USP25: variants seen among roughly 807,000 people sequenced by gnomAD.
USP25 encodes the protein ubiquitin carboxyl-terminal hydrolase 25.
USP25 carries 85 observed loss-of-function variants against 158.5 expected under a neutral mutation model. The observed-to-expected ratio is 0.54, with a 90% confidence interval of 0.45 to 0.64. USP25 has a LOEUF of 0.64. Ranked by LOEUF, USP25 falls within the 30% of genes least tolerant of loss-of-function variation. The pLI, the probability that USP25 is intolerant of heterozygous loss-of-function variation, is 0.00. For synonymous variants in USP25, 464 were observed against 460.4 expected (o/e 1.01, Z -0.10); for missense variants, 1,242 against 1,327.3 (o/e 0.94, Z 1.00).
At chr21:15,777,869 C>G in intron 3 of USP25, 35 bp from the exon 4 acceptor site, 1 of 1,551,998 alleles carries the variant, frequency 6.4e-7, no homozygotes, top group Non-Finnish European at 8.7e-7. Flanking sequence ...TTTTGTTTTA[C>G]TTTTAATTTT....
rs140394874 is a variant in USP25 at position 15,786,003 on chromosome 21, A to C, written c.393-5499A>C. ...TATCACAGAATTGGAGGATCACAAG[A>C]GACTATTATGAACAACTGTATACCA... On this transcript the variant is annotated intron_variant, in intron 4 of 25. Transcript: ENST00000400183. 4.3e-3 allele frequency among the ~76,000 whole-genome samples: 661 copies of C among 152,266 alleles called. 1 individual carries two copies. Among genetic ancestry groups the C allele is most frequent in the Non-Finnish European group, 5.9e-3 (404 of 67,992 alleles).
intron 21 of USP25, among the ~76,000 whole-genome samples, chr21:15,864,994 G>A (rs1213241983): frequency 1.3e-5 from 2 of 152,090 alleles, no homozygotes; most frequent in Non-Finnish European, 2.9e-5. Flanking sequence ...AGGAGGCTTA[G>A]AAGGGTTAAA....
intron 1 of USP25, among the ~76,000 whole-genome samples, chr21:15,755,967 C>T (rs183354168): frequency 2.0e-3 from 300 of 152,110 alleles, no homozygotes; most frequent in African/African-American, 4.9e-3. Context: ...AAAATTCTTC[C>T]GGGCTCTGGG....
chr21:15,854,657 A>G (rs1032042237), intron 20 of USP25, among the ~76,000 whole-genome samples: 3 of 152,196 alleles, frequency 2.0e-5, no homozygotes, highest in Admixed American at 2.0e-4. Flanking sequence ...TAGTGATGCC[A>G]CTGTCAGCCT....
chr21:15,862,639 G>A (rs1295265476), intron 20 of USP25, among the ~76,000 whole-genome samples: 1 of 138,174 alleles, frequency 7.2e-6, no homozygotes, highest in Non-Finnish European at 1.5e-5. Context: ...AAGCTTATGT[G>A]TGCTACCTAG....
intron 20 of USP25, among the ~76,000 whole-genome samples, chr21:15,859,199 G>GT (rs35441856): frequency 0.076 from 10,779 of 142,588 alleles, 459 homozygotes; most frequent in East Asian, 0.098. Context: ...TTTGTTTTGT[G>GT]TTTTTTTTTT....
chr21:15,858,622 T>C lies in USP25; in HGVS notation c.2548-5646T>C, dbSNP rs77994725. 3.3e-3 allele frequency among the ~76,000 whole-genome samples: 501 copies of C among 152,156 alleles called. 16 individuals are homozygous for C. In the East Asian group the frequency reaches 0.061, roughly 19 times the overall value. ...AAACTGTCTCCCAAAAATTATTTTC[T>C]ATATCTTTATTTCTTATTTCATTTC... On this transcript the variant is annotated intron_variant, in intron 20 of 25. Coordinates refer to ENST00000400183, the MANE Select transcript of USP25 (RefSeq NM_001283041.3).
At chr21:15,755,331 G>C (rs2033304746) in intron 1 of USP25, among the ~76,000 whole-genome samples, 1 of 152,164 alleles carries the variant, frequency 6.6e-6, no homozygotes, top group African/African-American at 2.4e-5. Flanking sequence ...CTGACTTAAT[G>C]AGTCACCCAC....
chr21:15,839,391 G>A (rs1389673260), intron 17 of USP25, among the ~76,000 whole-genome samples: 1 of 152,174 alleles, frequency 6.6e-6, no homozygotes, highest in African/African-American at 2.4e-5. Context: ...TTGTTCTGCT[G>A]TTGTTCCTAA....
chr21:15,863,898 G>A (rs893117103), intron 20 of USP25, among the ~76,000 whole-genome samples: 6 of 152,012 alleles, frequency 3.9e-5, no homozygotes, highest in South Asian at 2.1e-4. Flanking sequence ...TTAGCTGGGC[G>A]TGGTGGTGGG....
At chr21:15,790,055 T>G (rs1341756660) in intron 4 of USP25, among the ~76,000 whole-genome samples, 2 of 152,200 alleles carry the variant, frequency 1.3e-5, no homozygotes, top group East Asian at 3.9e-4. Flanking sequence ...AAGTTGACTG[T>G]CTTTCTATCT....
chr21:15,803,202 C>T (rs981107770), intron 6 of USP25, among the ~76,000 whole-genome samples: 1 of 151,596 alleles, frequency 6.6e-6, no homozygotes, highest in African/African-American at 2.4e-5. Context: ...ATAACAATTC[C>T]CTATAAATTT....
chr21:15,834,786 A>G (rs1012738754), intron 17 of USP25, among the ~76,000 whole-genome samples: 6 of 152,210 alleles, frequency 3.9e-5, no homozygotes, highest in African/African-American at 1.2e-4. Context: ...CTACAGTGCT[A>G]TGGAGAATAC....
intron 10 of USP25, among the ~76,000 whole-genome samples, chr21:15,822,530 A>G (rs1374134536): frequency 6.6e-6 from 1 of 152,018 alleles, no homozygotes; most frequent in Admixed American, 6.5e-5. Context: ...ATATGTAACT[A>G]TTTAATTTTA....
At position 15,879,692 on chromosome 21, in the gene USP25, G is replaced by A. The variant is rs1408866680; in HGVS notation, c.*1217G>A. 1 of 152,488 alleles carries A rather than the reference G, an allele frequency of 6.6e-6. No homozygotes were observed. Among genetic ancestry groups the A allele is most frequent in the Non-Finnish European group, 1.5e-5 (1 of 67,966 alleles). 9.4% of individuals were successfully genotyped at this position (152,488 alleles called of 1,614,324 possible). A position where few individuals can be genotyped will look rare whatever the true frequency, so the allele number is the denominator to read the frequency against. On this transcript the variant is annotated 3_prime_UTR_variant, in exon 26 of 26. Coordinates refer to ENST00000400183, the MANE Select transcript of USP25 (RefSeq NM_001283041.3). The stretch of plus-strand genomic sequence containing the variant: ...TTATAAATGATGTTTTGTGAACATA[G>A]TAAAATAGACCATTATACTATGTGT...
chr21:15,809,111 T>C (rs2036533024), intron 8 of USP25, among the ~76,000 whole-genome samples: 1 of 152,186 alleles, frequency 6.6e-6, no homozygotes. Context: ...GTTCCTTTTC[T>C]TAGATTCAAT....
chr21:15,846,682 A>G (rs1257222186), intron 18 of USP25, among the ~76,000 whole-genome samples: 1 of 152,314 alleles, frequency 6.6e-6, no homozygotes, highest in Non-Finnish European at 1.5e-5. Flanking sequence ...ATCTTTGTGT[A>G]TGAAAACTTA....
chr21:15,845,396 G>A (rs1001633760), intron 18 of USP25, among the ~76,000 whole-genome samples: 8 of 152,090 alleles, frequency 5.3e-5, no homozygotes, highest in Non-Finnish European at 8.8e-5. Flanking sequence ...TTACTCTAGT[G>A]AGCCCTTAAA....
chr21:15,764,655 C>T (rs1600843010), intron 2 of USP25, among the ~76,000 whole-genome samples: 1 of 152,084 alleles, frequency 6.6e-6, no homozygotes, highest in East Asian at 1.9e-4. Context: ...ATATGAAAAA[C>T]ACTTAGCACA....
Sources: gnomAD v4.1 joint callset for allele counts (sites outside exome capture counted in the v4.1 genomes callset) on GRCh38, gnomAD v4.1.1 for gene constraint, MANE v1.5 for transcripts, NCBI Gene and HGNC (gene_info 2026-07-23, HGNC 2026-07-21) for gene names.